The following STARD13 variants were observed in gnomAD, a reference collection of about 807,000 sequenced individuals.
STARD13 encodes stAR-related lipid transfer protein 13.
In STARD13, 62 loss-of-function variants were observed where a neutral mutation model predicts 106.4. The observed-to-expected ratio is 0.58, with a 90% confidence interval of 0.48 to 0.72. STARD13 has a LOEUF of 0.72. STARD13 is among the 30% of genes least tolerant of loss of function. The pLI, the probability that STARD13 is intolerant of heterozygous loss-of-function variation, is 0.00. For synonymous variants in STARD13, 565 were observed against 553.0 expected, an observed-to-expected ratio of 1.02 and a Z score of -0.31; for missense variants, 1,387 against 1,424.0, an observed-to-expected ratio of 0.97 and a Z score of 0.42.
At chr13:33,284,011 G>A (rs1395770563) in intron 1 of STARD13, among the ~76,000 whole-genome samples, 2 of 152,030 alleles carry the variant, frequency 1.3e-5, no homozygotes, top group African/African-American at 2.4e-5. Flanking sequence ...ATTAAGCCTC[G>A]GTGTTCATAA....
chr13:33,553,295 T>C, the STARD13 span, among the ~76,000 whole-genome samples: 2 of 152,026 alleles, frequency 1.3e-5, no homozygotes, highest in African/African-American at 4.8e-5. Context: ...ATAATCATAA[T>C]TGTAGTTGTT....
At chr13:33,492,367 C>T in the STARD13 span, among the ~76,000 whole-genome samples, 12 of 152,072 alleles carry the variant, frequency 7.9e-5, no homozygotes, top group Admixed American at 7.9e-4. Context: ...GGCGTGTGAA[C>T]CAGAGCAACT....
At chr13:33,469,449 G>C in the STARD13 span, among the ~76,000 whole-genome samples, 1 of 152,184 alleles carries the variant, frequency 6.6e-6, no homozygotes, top group Admixed American at 6.5e-5. Context: ...GTCACTGCAA[G>C]TCTAGTTTAC....
At chr13:33,535,682 T>C in the STARD13 span, among the ~76,000 whole-genome samples, 15 of 152,204 alleles carry the variant, frequency 9.9e-5, no homozygotes, top group African/African-American at 3.4e-4. Context: ...ATTTTGAACA[T>C]AAAAAACTTA....
intron 1 of STARD13, among the ~76,000 whole-genome samples, chr13:33,193,712 G>A (rs1474569860): frequency 6.6e-6 from 1 of 152,152 alleles, no homozygotes; most frequent in Non-Finnish European, 1.5e-5. Context: ...GTTTTTGTTG[G>A]CTGTGACATG....
At chr13:33,562,652 C>A in the STARD13 span, among the ~76,000 whole-genome samples, 14 of 146,698 alleles carry the variant, frequency 9.5e-5, 3 homozygotes, top group African/African-American at 3.3e-4. Flanking sequence ...GGTCCTCAAT[C>A]TATGTTTGTC....
chr13:33,458,429 A>T, the STARD13 span, among the ~76,000 whole-genome samples: 1 of 151,414 alleles, frequency 6.6e-6, no homozygotes, highest in Non-Finnish European at 1.5e-5. Flanking sequence ...AGCATAACAA[A>T]CTCAACTGCT....
At chr13:33,125,970 G>A (rs1001071438) in intron 7 of STARD13, 111 bp downstream of exon 7, 1 of 1,140,652 alleles carries the variant, frequency 8.8e-7, no homozygotes, top group Non-Finnish European at 1.3e-6. Flanking sequence ...TTTATTTTTG[G>A]TGAGGCATGT....
the STARD13 span, among the ~76,000 whole-genome samples, chr13:33,581,867 T>A: frequency 2.6e-5 from 4 of 152,108 alleles, no homozygotes; most frequent in African/African-American, 9.7e-5. Flanking sequence ...TTATTGAACA[T>A]CTACTATGTA....
intron 3 of STARD13, among the ~76,000 whole-genome samples, chr13:33,151,041 G>A (rs1881206618): frequency 6.6e-6 from 1 of 152,146 alleles, no homozygotes; most frequent in African/African-American, 2.4e-5. Context: ...CACTTTCTGA[G>A]AGCATAGGGA....
At chr13:33,271,593 C>A (rs978127594) in intron 1 of STARD13, 3 of 152,222 alleles carry the variant, frequency 2.0e-5, no homozygotes, top group African/African-American at 7.2e-5. Flanking sequence ...GTAGGTTCAG[C>A]AACATGCTGG....
intron 9 of STARD13, 132 bp downstream of exon 9, chr13:33,112,589 C>T: frequency 1.4e-6 from 1 of 729,486 alleles, no homozygotes. Flanking sequence ...TATCTACCTA[C>T]CTATCTATCT....
chr13:33,557,681 A>G, the STARD13 span, among the ~76,000 whole-genome samples: 10 of 152,314 alleles, frequency 6.6e-5, 3 homozygotes, highest in South Asian at 2.1e-3. Flanking sequence ...AAAACTCAGA[A>G]TGGGAAACTT....
chr13:33,364,030 T>A, the STARD13 span, among the ~76,000 whole-genome samples: 1 of 152,224 alleles, frequency 6.6e-6, no homozygotes, highest in East Asian at 1.9e-4. Context: ...AATTTCATAA[T>A]AGCCATGCAT....
chr13:33,441,223 C>G, the STARD13 span, among the ~76,000 whole-genome samples: 1 of 152,160 alleles, frequency 6.6e-6, no homozygotes, highest in African/African-American at 2.4e-5. Context: ...CTGCTGCCAC[C>G]TCCTGGGCAA....
At chr13:33,567,078 G>T in the STARD13 span, among the ~76,000 whole-genome samples, 1 of 148,044 alleles carries the variant, frequency 6.8e-6, no homozygotes, top group East Asian at 2.0e-4. Context: ...CCAAAGCTTT[G>T]TTGAAGCTTC....
chr13:33,151,307 G>C (rs1009772368), intron 3 of STARD13, among the ~76,000 whole-genome samples: 3 of 152,188 alleles, frequency 2.0e-5, no homozygotes, highest in African/African-American at 7.2e-5. Context: ...GGAGCATGGT[G>C]TTGGCCTCTG....
intron 3 of STARD13, among the ~76,000 whole-genome samples, chr13:33,151,685 G>A (rs1405773830): frequency 6.6e-6 from 1 of 152,196 alleles, no homozygotes; most frequent in Non-Finnish European, 1.5e-5. Context: ...GGAGCAATCT[G>A]GTACAATGAG....
At chr13:33,379,308 T>G in the STARD13 span, among the ~76,000 whole-genome samples, 1 of 152,188 alleles carries the variant, frequency 6.6e-6, no homozygotes, top group Non-Finnish European at 1.5e-5. Context: ...ATACACCCTA[T>G]AGTATTTTTT....
Sources: allele counts gnomAD v4.1 joint callset (sites outside exome capture counted in the v4.1 genomes callset), GRCh38; gene constraint gnomAD v4.1.1; transcripts MANE v1.5; gene names NCBI Gene and HGNC (gene_info 2026-07-23, HGNC 2026-07-21).